The following FAM184B variants were observed in gnomAD, a reference collection of about 807,000 sequenced individuals.
FAM184B encodes the protein family with sequence similarity 184 member B.
Under a neutral mutation model 135.9 loss-of-function variants are expected in FAM184B, and 111 were observed. The ratio of observed to expected loss-of-function variants is 0.82; its 90% CI spans 0.70 to 0.96. FAM184B has a LOEUF of 0.96. Ranked by LOEUF, FAM184B falls within the 40% of genes least tolerant of loss-of-function variation. The pLI, the probability that FAM184B is intolerant of heterozygous loss-of-function variation, is 0.00. For missense variants in FAM184B, 1,375 were observed against 1,323.9 expected (o/e 1.04, Z -0.60); for synonymous variants, 552 against 524.8 (o/e 1.05, Z -0.71).
rs550991253 is a variant in FAM184B at position 17,642,557 on chromosome 4, GAAGTT to G, written c.2347-334_2347-330del. 3.9e-4 allele frequency among the ~76,000 whole-genome samples: 59 copies of G among 152,218 alleles called. No homozygotes were observed. The East Asian group carries it at 8.1e-3, about 21-fold the overall frequency. ...TGCCTCAGTGAAGTCTTCCCTCCGT[GAAGTT>G]AAGTGTTCAGTGAAGTGATACTGCC... On this transcript the variant is annotated intron_variant, in intron 12 of 17. Coordinates refer to ENST00000265018, the MANE Select transcript of FAM184B (RefSeq NM_015688.2).
chr4:17,659,918 A>G (rs1487331819), intron 9 of FAM184B, 40 bp downstream of exon 9: 6 of 1,546,412 alleles, frequency 3.9e-6, no homozygotes, highest in Admixed American at 3.9e-5. Flanking sequence ...AGGGGGCAGG[A>G]TCTCAGGAAG....
At chr4:17,734,711 G>C (rs567680583) in intron 1 of FAM184B, among the ~76,000 whole-genome samples, 28 of 149,194 alleles carry the variant, frequency 1.9e-4, no homozygotes, top group Non-Finnish European at 3.9e-4. Context: ...GGAGAAATAG[G>C]AACACTTTTA....
At chr4:17,643,340 C>A (rs1715376744) in intron 12 of FAM184B, among the ~76,000 whole-genome samples, 2 of 152,092 alleles carry the variant, frequency 1.3e-5, no homozygotes, top group Non-Finnish European at 2.9e-5. Context: ...TGCCGACACC[C>A]CTGCATCTCC....
intron 7 of FAM184B, among the ~76,000 whole-genome samples, chr4:17,672,487 A>AT (rs1210635644): frequency 1.3e-5 from 2 of 151,804 alleles, no homozygotes; most frequent in Admixed American, 1.3e-4. Context: ...ATTCTACTGA[A>AT]TTTTTTCCAT....
At chr4:17,711,263 A>G (rs190918408) in intron 1 of FAM184B, among the ~76,000 whole-genome samples, 10 of 151,278 alleles carry the variant, frequency 6.6e-5, no homozygotes, top group African/African-American at 2.4e-4. Flanking sequence ...GGCGGATCAC[A>G]TGGTCAGGAG....
chr4:17,699,972 A>G (rs1458145040), intron 5 of FAM184B, among the ~76,000 whole-genome samples: 1 of 152,166 alleles, frequency 6.6e-6, no homozygotes, highest in African/African-American at 2.4e-5. Flanking sequence ...TGTGTGAAGT[A>G]ATGTATTTCA....
Position 17,633,698 on chromosome 4 carries a change from G to A in FAM184B, c.3080C>T (p.Thr1027Ile), listed in dbSNP as rs1251992431. ...CCAACATCCCCCAAACCTTGTGGCA[G>A]TTTTTGCATCTGTAGACTGGTTGGG... is the stretch of plus-strand genomic sequence containing the variant. ...YKPNQSTDAKTATRTPDGETA... is the reference protein window; with the variant it reads ...YKPNQSTDAKIATRTPDGETA... Residue 1027 changes from threonine to isoleucine, a missense_variant, in exon 17 of 18, where the codon ACT becomes ATT. Thr to Ile is a moderately conservative substitution (Grantham distance 89). Coordinates refer to ENST00000265018, the MANE Select transcript of FAM184B (RefSeq NM_015688.2). 3 of 1,533,830 alleles carry A rather than the reference G, an allele frequency of 2.0e-6. No homozygotes were observed. The highest frequency in any genetic ancestry group is 2.6e-6 in the Non-Finnish European group (3 of 1,137,970).
chr4:17,737,366 GTTC>G (rs1717937273), intron 1 of FAM184B, among the ~76,000 whole-genome samples: 1 of 150,980 alleles, frequency 6.6e-6, no homozygotes, highest in Non-Finnish European at 1.5e-5. Context: ...TCAGAACAGT[GTTC>G]TTTTTTTTTT....
At position 17,634,994 on chromosome 4, in the gene FAM184B, T is replaced by A. The variant is rs1332277259; in HGVS notation, c.2889+15A>T. Reference sequence around the variant, plus strand: ...GGAATTGTATAATGCATTAAAACCATTAGAACCAATTTACCTTCATGGAAG... The same window carrying A: ...GGAATTGTATAATGCATTAAAACCAATAGAACCAATTTACCTTCATGGAAG... On this transcript the variant is annotated intron_variant, in intron 16 of 17. Transcript: ENST00000265018. 7.8e-6 allele frequency: 12 copies of A among 1,538,484 alleles called. No individual in the cohort carries two copies. Among genetic ancestry groups the A allele is most frequent in the Non-Finnish European group, 1.1e-5 (12 of 1,134,952 alleles).
chr4:17,673,088 C>T (rs1350130490), intron 7 of FAM184B, among the ~76,000 whole-genome samples: 3 of 151,928 alleles, frequency 2.0e-5, no homozygotes, highest in Non-Finnish European at 4.4e-5. Context: ...AAGAAAAAAA[C>T]AAACAATCCC....
chr4:17,666,930 C>T (rs1022859743), intron 7 of FAM184B, among the ~76,000 whole-genome samples: 17 of 151,848 alleles, frequency 1.1e-4, no homozygotes, highest in Non-Finnish European at 7.4e-5. Flanking sequence ...ACTTGCCCTA[C>T]ACCCACTTTT....
chr4:17,705,311 T>C, intron 4 of FAM184B, 105 bp from the exon 5 acceptor site: 1 of 826,184 alleles, frequency 1.2e-6, no homozygotes, highest in East Asian at 2.7e-5. Flanking sequence ...ACACTGTTTT[T>C]ACAGCATGTA....
At chr4:17,638,844 C>T (rs1205321045) in intron 14 of FAM184B, among the ~76,000 whole-genome samples, 1 of 152,082 alleles carries the variant, frequency 6.6e-6, no homozygotes, top group African/African-American at 2.4e-5. Flanking sequence ...CCCCCCACCA[C>T]ACCCCGCCTC....
intron 1 of FAM184B, among the ~76,000 whole-genome samples, chr4:17,743,294 G>C (rs1295863719): frequency 6.6e-6 from 1 of 152,236 alleles, no homozygotes; most frequent in Non-Finnish European, 1.5e-5. Flanking sequence ...AAGAGGGATG[G>C]CACCAGTGGT....
intron 1 of FAM184B, among the ~76,000 whole-genome samples, chr4:17,754,513 T>G (rs1301486407): frequency 1.1e-4 from 17 of 148,016 alleles, no homozygotes; most frequent in Non-Finnish European, 4.4e-5. Flanking sequence ...GTCATGCCAT[T>G]GCACTCCAGC....
At chr4:17,632,897 A>G (rs564489541) in intron 17 of FAM184B, 110 of 279,636 alleles carry the variant, frequency 3.9e-4, no homozygotes, top group Non-Finnish European at 6.9e-4. Flanking sequence ...ATAATGCAGG[A>G]TTAACCAAAC....
At chr4:17,678,082 T>TG (rs926715662) in intron 7 of FAM184B, among the ~76,000 whole-genome samples, 2 of 152,164 alleles carry the variant, frequency 1.3e-5, no homozygotes, top group African/African-American at 4.8e-5. Context: ...CGGGGAAAAG[T>TG]GGAAAGCATT....
chr4:17,696,830 G>GAATGAATGAATA (rs1716875926), intron 5 of FAM184B, among the ~76,000 whole-genome samples: 1 of 151,678 alleles, frequency 6.6e-6, no homozygotes, highest in East Asian at 1.9e-4. Context: ...ATGAATGAAT[G>GAATGAATGAATA]AATAAATAAA....
At chr4:17,764,733 G>A (rs759470249) in intron 1 of FAM184B, among the ~76,000 whole-genome samples, 2 of 148,376 alleles carry the variant, frequency 1.3e-5, no homozygotes, top group African/African-American at 5.3e-5. Context: ...CTAAAGATTT[G>A]TTGTAGTCTG....
Sources: gnomAD v4.1 joint callset for allele counts (sites outside exome capture counted in the v4.1 genomes callset) on GRCh38, gnomAD v4.1.1 for gene constraint, MANE v1.5 for transcripts, NCBI Gene and HGNC (gene_info 2026-07-23, HGNC 2026-07-21) for gene names.